PAIP2B: variants seen among roughly 807,000 people sequenced by gnomAD.
PAIP2B encodes poly(A) binding protein interacting protein 2B, also known as polyadenylate-binding protein-interacting protein 2B.
In PAIP2B, 13 loss-of-function variants were observed where a neutral mutation model predicts 17.0. That is an observed-to-expected ratio of 0.76 (90% confidence interval 0.50 to 1.22). The LOEUF (loss-of-function observed/expected upper bound fraction) is 1.22. Among genes scored for constraint, PAIP2B ranks in the 50% most tolerant of loss-of-function variants. PAIP2B has a pLI of 0.00. For synonymous variants in PAIP2B, 43 were observed against 48.7 expected, an observed-to-expected ratio of 0.88 and a Z score of 0.48; for missense variants, 117 against 144.5, an observed-to-expected ratio of 0.81 and a Z score of 0.98.
At chr2:71,193,417 T>C (rs899423749) in intron 2 of PAIP2B, among the ~76,000 whole-genome samples, 1 of 152,264 alleles carries the variant, frequency 6.6e-6, no homozygotes, top group Non-Finnish European at 1.5e-5. Context: ...TTTCTTTTGC[T>C]GTACAGAAGT....
At chr2:71,208,691 G>A (rs1675209477) in intron 1 of PAIP2B, among the ~76,000 whole-genome samples, 1 of 152,122 alleles carries the variant, frequency 6.6e-6, no homozygotes, top group South Asian at 2.1e-4. Flanking sequence ...TTAAGATAAG[G>A]AGATCATCCT....
At position 71,187,549 on chromosome 2, in the gene PAIP2B, G is replaced by A. The variant is rs1034224863; in HGVS notation, c.*930C>T. On this transcript the variant is annotated 3_prime_UTR_variant, in exon 4 of 4. Coordinates refer to ENST00000244221, the MANE Select transcript of PAIP2B (RefSeq NM_020459.1). ...ACCAGGAAGACCAAGTGTTGATGAGGCTGGAAAAAAAAACTGTCCAAATAA... is the reference window on the plus strand; with the variant it reads ...ACCAGGAAGACCAAGTGTTGATGAGACTGGAAAAAAAAACTGTCCAAATAA... 2 of 152,132 alleles carry A rather than the reference G, an allele frequency of 1.3e-5. No individual in the cohort carries two copies. The highest frequency in any genetic ancestry group is 6.5e-5 in the Admixed American group (1 of 15,280). 9.4% of individuals were successfully genotyped at this position (152,132 alleles called of 1,614,324 possible).
At chr2:71,188,972 A>G (rs916935874) in intron 3 of PAIP2B, among the ~76,000 whole-genome samples, 3 of 149,234 alleles carry the variant, frequency 2.0e-5, no homozygotes, top group African/African-American at 7.4e-5. Context: ...TGTTCAGAAT[A>G]TGAGTTGTAT....
intron 2 of PAIP2B, among the ~76,000 whole-genome samples, chr2:71,197,056 G>A (rs916552628): frequency 6.6e-6 from 1 of 152,134 alleles, no homozygotes; most frequent in African/African-American, 2.4e-5. Flanking sequence ...TCCTGTCATT[G>A]TGCTGTTTGC....
chr2:71,206,165 T>C (rs1675123289), intron 1 of PAIP2B, among the ~76,000 whole-genome samples: 1 of 152,226 alleles, frequency 6.6e-6, no homozygotes, highest in Non-Finnish European at 1.5e-5. Flanking sequence ...CAATTAACTC[T>C]GCCACACAAA....
At position 71,188,263 on chromosome 2, in the gene PAIP2B, C is replaced by T. The variant is rs1674593910; in HGVS notation, c.*216G>A. ...TTTAAAAAAACAAAACAGGAAACTC[C>T]CCAAACAAAAGTCAGCAGAACAAAA... is the stretch of plus-strand genomic sequence containing the variant. On this transcript the variant is annotated 3_prime_UTR_variant, in exon 4 of 4. Coordinates refer to ENST00000244221, the MANE Select transcript of PAIP2B (RefSeq NM_020459.1). 6.0e-6 allele frequency: 3 copies of T among 503,082 alleles called. No individual in the cohort carries two copies. The highest frequency in any genetic ancestry group is 1.0e-5 in the Non-Finnish European group (3 of 286,780). 31.2% of individuals were successfully genotyped at this position (503,082 alleles called of 1,614,324 possible).
At chr2:71,203,840 T>C (rs1675054126) in intron 1 of PAIP2B, among the ~76,000 whole-genome samples, 1 of 152,052 alleles carries the variant, frequency 6.6e-6, no homozygotes, top group African/African-American at 2.4e-5. Flanking sequence ...AGCTCATATA[T>C]ATGTTTCTGT....
chr2:71,202,451 C>A lies in PAIP2B; in HGVS notation c.138+1G>T. The A allele has an allele frequency of 6.2e-7, 1 of 1,611,798 alleles. No individual in the cohort carries two copies. Among genetic ancestry groups the A allele is most frequent in the Non-Finnish European group, 8.5e-7 (1 of 1,179,272 alleles). On this transcript the variant is annotated splice_donor_variant, in intron 2 of 3. Coordinates refer to ENST00000244221, the MANE Select transcript of PAIP2B (RefSeq NM_020459.1). LOFTEE classifies it high-confidence loss of function. Reference sequence around the variant, plus strand: ...TTCCACTTTTCCAGTTCTTTCTTTACCTGTCTGTTGAAATCCTCTTCATTC... The same window carrying A: ...TTCCACTTTTCCAGTTCTTTCTTTAACTGTCTGTTGAAATCCTCTTCATTC...
At chr2:71,208,354 T>C (rs1294426335) in intron 1 of PAIP2B, among the ~76,000 whole-genome samples, 2 of 151,716 alleles carry the variant, frequency 1.3e-5, no homozygotes. Flanking sequence ...ACCTGGGAGA[T>C]GGAGGTTGTA....
intron 2 of PAIP2B, among the ~76,000 whole-genome samples, chr2:71,201,363 T>C (rs181859989): frequency 6.4e-4 from 97 of 152,082 alleles, no homozygotes; most frequent in African/African-American, 2.3e-3. Flanking sequence ...AAAACATATT[T>C]ACCTTCAGTG....
intron 2 of PAIP2B, among the ~76,000 whole-genome samples, chr2:71,190,529 T>G (rs1040291120): frequency 6.6e-6 from 1 of 152,206 alleles, no homozygotes; most frequent in Non-Finnish European, 1.5e-5. Context: ...GATAGCATAA[T>G]TTTTATTTTT....
intron 1 of PAIP2B, among the ~76,000 whole-genome samples, chr2:71,219,878 C>T (rs910832931): frequency 6.6e-6 from 1 of 152,196 alleles, no homozygotes; most frequent in Non-Finnish European, 1.5e-5. Context: ...TATATTCTTA[C>T]TCTACTCTTC....
chr2:71,197,839 T>C (rs1328540532), intron 2 of PAIP2B, among the ~76,000 whole-genome samples: 2 of 152,166 alleles, frequency 1.3e-5, no homozygotes, highest in African/African-American at 2.4e-5. Context: ...CAATTCACTA[T>C]CATGAGAACA....
At chr2:71,215,519 G>A (rs1332584325) in intron 1 of PAIP2B, among the ~76,000 whole-genome samples, 2 of 152,200 alleles carry the variant, frequency 1.3e-5, no homozygotes, top group Non-Finnish European at 1.5e-5. Context: ...TGAGGGGTAA[G>A]GGGAGAAAAA....
At chr2:71,189,675 A>G (rs932530008) in intron 3 of PAIP2B, among the ~76,000 whole-genome samples, 170 bp downstream of exon 3, 1 of 152,196 alleles carries the variant, frequency 6.6e-6, no homozygotes, top group Non-Finnish European at 1.5e-5. Context: ...ATGAGGAGCA[A>G]TGCATCTTTA....
chr2:71,210,282 C>T (rs1318855248), intron 1 of PAIP2B, among the ~76,000 whole-genome samples: 2 of 152,130 alleles, frequency 1.3e-5, no homozygotes, highest in Non-Finnish European at 2.9e-5. Flanking sequence ...AGTAGTTCAG[C>T]TTTAGGTGGG....
chr2:71,202,396 A>G, intron 2 of PAIP2B, 56 bp downstream of exon 2: 1 of 1,581,814 alleles, frequency 6.3e-7, no homozygotes. Context: ...GTAAAATATT[A>G]TAGCTGTTGA....
intron 2 of PAIP2B, among the ~76,000 whole-genome samples, chr2:71,200,193 C>G (rs1158682230): frequency 6.6e-6 from 1 of 152,162 alleles, no homozygotes; most frequent in Non-Finnish European, 1.5e-5. Flanking sequence ...CCAGTTTCTA[C>G]TCCTTAAGAT....
Position 71,187,871 on chromosome 2 carries a change from A to C in PAIP2B, c.*608T>G, listed in dbSNP as rs1674578350. 1 of 153,234 alleles carries C rather than the reference A, an allele frequency of 6.5e-6. No homozygotes were observed. The allele number at this position is 153,234 out of a possible 1,614,324, so 9.5% of individuals were successfully genotyped here. A position where few individuals can be genotyped will look rare whatever the true frequency, so the allele number is the denominator to read the frequency against. On this transcript the variant is annotated 3_prime_UTR_variant, in exon 4 of 4. Transcript: ENST00000244221. ...TTTACAACTTTCAACAATCATCAAAAGTTACTGTAAACTAAGTACTTTAAG... is the reference window on the plus strand; with the variant it reads ...TTTACAACTTTCAACAATCATCAAACGTTACTGTAAACTAAGTACTTTAAG...
Sources: allele counts gnomAD v4.1 joint callset (sites outside exome capture counted in the v4.1 genomes callset), GRCh38; gene constraint gnomAD v4.1.1; transcripts MANE v1.5; gene names NCBI Gene and HGNC (gene_info 2026-07-23, HGNC 2026-07-21).